The following REEP1 variants were observed in gnomAD, a reference collection of about 807,000 sequenced individuals.
REEP1 encodes receptor accessory protein 1, also known as receptor expression-enhancing protein 1.
A neutral mutation model predicts 40.3 loss-of-function variants in REEP1; 22 were observed. That is an observed-to-expected ratio of 0.55 (90% CI 0.39 to 0.78). The LOEUF (loss-of-function observed/expected upper bound fraction) is 0.78. Ranked by LOEUF, REEP1 falls within the 30% of genes least tolerant of loss-of-function variation. The pLI is 0.00. For synonymous variants in REEP1, 116 were observed against 139.2 expected, an observed-to-expected ratio of 0.83 and a Z score of 1.17; for missense variants, 280 against 361.1, an observed-to-expected ratio of 0.78 and a Z score of 1.82.
chr2:86,337,796 C>T, upstream of REEP1: 1 of 800,260 alleles, frequency 1.2e-6, no homozygotes, highest in Non-Finnish European at 1.7e-6. The surrounding 1 kb of genome is among the most constrained non-coding windows in gnomAD (Gnocchi z 5.8). Context: ...CCCTGGCCCC[C>T]GGCTGAAGGC....
chr2:86,269,235 T>C (rs6747120), intron 2 of REEP1, among the ~76,000 whole-genome samples: 2,966 of 152,310 alleles, frequency 0.019, 92 homozygotes, highest in African/African-American at 0.067. Flanking sequence ...TTCTATTTTA[T>C]AGAATGAAGT....
At chr2:86,251,111 C>T (rs1053493787) in intron 5 of REEP1, among the ~76,000 whole-genome samples, 1 of 152,170 alleles carries the variant, frequency 6.6e-6, no homozygotes, top group South Asian at 2.1e-4. Flanking sequence ...CACCACCAGC[C>T]GAATGTAGGT....
In REEP1 at chr2:86,214,987, G is replaced by A. The variant is rs1225857084; in HGVS notation, c.*2052C>T. The A allele has an allele frequency of 1.6e-5, 2 of 125,892 alleles. No individual in the cohort carries two copies. Among genetic ancestry groups the A allele is most frequent in the Non-Finnish European group, 1.7e-5 (1 of 58,150 alleles). The allele number at this position is 125,892 out of a possible 1,614,324, so 7.8% of individuals were successfully genotyped here. A position where few individuals can be genotyped will look rare whatever the true frequency, so the allele number is the denominator to read the frequency against. ...GCTGCTAAAGGCAATTTATTGTTTC[G>A]GCAAAAAAAAAAAAATTGCTAAGAA... On this transcript the variant is annotated 3_prime_UTR_variant, in exon 9 of 9. Coordinates refer to ENST00000538924, the MANE Select transcript of REEP1 (RefSeq NM_001371279.1).
At chr2:86,263,907 C>A (rs946500069) in intron 3 of REEP1, 58 bp downstream of exon 3, 17 of 1,336,952 alleles carry the variant, frequency 1.3e-5, no homozygotes, top group Admixed American at 5.0e-5. Flanking sequence ...CCCACCTCCC[C>A]CTGAGTGACA....
intron 3 of REEP1, among the ~76,000 whole-genome samples, chr2:86,259,585 AC>A (rs376271721): frequency 1.4e-4 from 22 of 151,966 alleles, no homozygotes; most frequent in African/African-American, 4.8e-4. Flanking sequence ...ACGGGGTTTC[AC>A]CATGTTTGCC....
Position 86,217,021 on chromosome 2 carries a change from G to T in REEP1, c.*18C>A. The stretch of plus-strand genomic sequence containing the variant: ...AGAAGAAACATTCTGTGGATCCGGT[G>T]CTGTTGGCTCATCTCACTCACGTGG... On this transcript the variant is annotated 3_prime_UTR_variant, in exon 9 of 9. Transcript: ENST00000538924. 1 of 1,606,656 alleles carries T rather than the reference G, an allele frequency of 6.2e-7. No individual in the cohort carries two copies. The highest frequency in any genetic ancestry group is 8.5e-7 in the Non-Finnish European group (1 of 1,173,202).
At chr2:86,236,141 G>C (rs1458129280) in intron 5 of REEP1, among the ~76,000 whole-genome samples, 1 of 151,856 alleles carries the variant, frequency 6.6e-6, no homozygotes, top group African/African-American at 2.4e-5. Flanking sequence ...TTTTGAACCC[G>C]GGAGGTGGAG....
chr2:86,266,864 G>A (rs541092947), intron 2 of REEP1, among the ~76,000 whole-genome samples: 9 of 151,620 alleles, frequency 5.9e-5, no homozygotes, highest in East Asian at 1.9e-4. Flanking sequence ...AAAATTAGCC[G>A]GGCATGGTGG....
At chr2:86,247,098 T>G (rs538984653) in intron 5 of REEP1, among the ~76,000 whole-genome samples, 1 of 152,290 alleles carries the variant, frequency 6.6e-6, no homozygotes, top group South Asian at 2.1e-4. Context: ...ATTTCTAGTC[T>G]TAAAAAGATC....
At chr2:86,263,543 T>C (rs908823033) in intron 3 of REEP1, among the ~76,000 whole-genome samples, 4 of 152,140 alleles carry the variant, frequency 2.6e-5, no homozygotes, top group African/African-American at 7.2e-5. Context: ...CTAGGCCATA[T>C]ATTAGTTTTT....
At chr2:86,245,309 CCAT>C (rs1675875199) in intron 5 of REEP1, among the ~76,000 whole-genome samples, 1 of 152,200 alleles carries the variant, frequency 6.6e-6, no homozygotes, top group South Asian at 2.1e-4. Context: ...CTCCTAACTG[CCAT>C]CATGTTCCCA....
intron 1 of REEP1, among the ~76,000 whole-genome samples, chr2:86,332,000 C>T (rs1680789267): frequency 6.6e-6 from 1 of 152,138 alleles, no homozygotes; most frequent in Admixed American, 6.5e-5. Context: ...TTTCAAGATT[C>T]CTTCTGAAAT....
At chr2:86,332,716 A>G (rs566149084) in intron 1 of REEP1, among the ~76,000 whole-genome samples, 1 of 152,362 alleles carries the variant, frequency 6.6e-6, no homozygotes, top group African/African-American at 2.4e-5. Flanking sequence ...CATGAAAGCT[A>G]CTTCTCAGCA....
intron 2 of REEP1, among the ~76,000 whole-genome samples, chr2:86,280,795 G>T (rs1249633391): frequency 1.3e-5 from 2 of 152,134 alleles, no homozygotes. Context: ...GGGTGGGGTG[G>T]GGGGTGAGTT....
intron 2 of REEP1, among the ~76,000 whole-genome samples, chr2:86,269,558 C>G (rs554226533): frequency 6.6e-6 from 1 of 152,234 alleles, no homozygotes; most frequent in Non-Finnish European, 1.5e-5. Context: ...TTGCATTGCT[C>G]TTTTGATTCT....
rs182754812 is a variant in REEP1 at position 86,233,330 on chromosome 2, T to C, written c.418-528A>G. Reference sequence around the variant, plus strand: ...AATGTTTGACAACAGAAATTTCTTTTATTTGTATAGCATATTACTGTCTAC... The same window carrying C: ...AATGTTTGACAACAGAAATTTCTTTCATTTGTATAGCATATTACTGTCTAC... On this transcript the variant is annotated intron_variant, in intron 5 of 8. Coordinates refer to ENST00000538924, the MANE Select transcript of REEP1 (RefSeq NM_001371279.1). Among the ~76,000 whole-genome samples, 9 of 152,354 alleles carry C rather than the reference T, an allele frequency of 5.9e-5. No homozygotes were observed. In the East Asian group the frequency reaches 1.7e-3, roughly 29 times the overall value.
chr2:86,239,265 C>T (rs939864350), intron 5 of REEP1, among the ~76,000 whole-genome samples: 6 of 128,248 alleles, frequency 4.7e-5, no homozygotes, highest in African/African-American at 8.5e-5. Context: ...GCAATAACAG[C>T]AACACAGAAC....
At chr2:86,297,612 C>T in intron 1 of REEP1, 1 of 754,032 alleles carries the variant, frequency 1.3e-6, no homozygotes, top group Non-Finnish European at 1.6e-6. Context: ...CCAAGAACAG[C>T]CACTACCTGC....
intron 1 of REEP1, among the ~76,000 whole-genome samples, chr2:86,322,953 G>T (rs529488340): frequency 2.6e-5 from 4 of 152,130 alleles, no homozygotes; most frequent in Non-Finnish European, 5.9e-5. Context: ...AGGCCAGGCA[G>T]AGGTGGGAGA....
Sources: gnomAD v4.1 joint callset for allele counts (sites outside exome capture counted in the v4.1 genomes callset) on GRCh38, gnomAD v4.1.1 for gene constraint, Gnocchi (gnomAD v3.1) non-coding constraint, MANE v1.5 for transcripts, NCBI Gene and HGNC (gene_info 2026-07-23, HGNC 2026-07-21) for gene names.